The following CAST variants were observed in gnomAD, a reference collection of about 807,000 sequenced individuals.
The protein encoded by CAST is calpastatin.
A neutral mutation model predicts 119.6 loss-of-function variants in CAST; 76 were observed. The observed-to-expected ratio is 0.64, with a 90% CI of 0.53 to 0.77. The LOEUF (loss-of-function observed/expected upper bound fraction) is 0.77, where lower values mean the gene tolerates loss of function less well. CAST is among the 30% of genes least tolerant of loss of function. CAST has a pLI of 0.00. For synonymous variants in CAST, 319 were observed against 331.6 expected, an observed-to-expected ratio of 0.96 and a Z score of 0.41; for missense variants, 953 against 946.5, an observed-to-expected ratio of 1.01 and a Z score of -0.09.
At chr5:95,965,915 T>A in the CAST span, among the ~76,000 whole-genome samples, 1 of 152,218 alleles carries the variant, frequency 6.6e-6, no homozygotes, top group Admixed American at 6.5e-5. Context: ...GTACAAGAAA[T>A]GTTACATTGC....
At chr5:95,981,800 G>C in the CAST span, among the ~76,000 whole-genome samples, 1 of 152,268 alleles carries the variant, frequency 6.6e-6, no homozygotes, top group East Asian at 1.9e-4. Flanking sequence ...ACTTGAACCC[G>C]GGAGGTGGAG....
chr5:96,000,355 A>G, the CAST span, among the ~76,000 whole-genome samples: 3 of 152,156 alleles, frequency 2.0e-5, no homozygotes, highest in Non-Finnish European at 2.9e-5. Context: ...GTTATCTCCT[A>G]TGCTTTCTGT....
the CAST span, among the ~76,000 whole-genome samples, chr5:96,266,720 C>A: frequency 6.6e-6 from 1 of 152,156 alleles, no homozygotes; most frequent in Non-Finnish European, 1.5e-5. Flanking sequence ...ACAAGCCAGA[C>A]AGAAGACTGA....
chr5:96,172,767 A>G, the CAST span, among the ~76,000 whole-genome samples: 1 of 152,232 alleles, frequency 6.6e-6, no homozygotes, highest in Non-Finnish European at 1.5e-5. Flanking sequence ...TGTAGTTTAT[A>G]GATCCTCTAG....
At chr5:96,735,322 C>CCTGTGCTT (rs1761409786) in intron 9 of CAST, among the ~76,000 whole-genome samples, 1 of 152,098 alleles carries the variant, frequency 6.6e-6, no homozygotes, top group Non-Finnish European at 1.5e-5. Context: ...AGCCTGTGCT[C>CCTGTGCTT]TTCCTGTGCT....
chr5:96,514,788 C>T, the CAST span, among the ~76,000 whole-genome samples: 2 of 152,042 alleles, frequency 1.3e-5, no homozygotes, highest in Non-Finnish European at 1.5e-5. Flanking sequence ...CTCTATTGCC[C>T]AGGCCCAGGC....
the CAST span, among the ~76,000 whole-genome samples, chr5:95,967,659 G>A: frequency 6.6e-6 from 1 of 152,060 alleles, no homozygotes; most frequent in African/African-American, 2.4e-5. Flanking sequence ...GCTTGGCACT[G>A]CTCGTTGCTG....
chr5:96,440,814 G>A, the CAST span, among the ~76,000 whole-genome samples: 1 of 152,178 alleles, frequency 6.6e-6, no homozygotes, highest in African/African-American at 2.4e-5. Flanking sequence ...GCTGGAAAAG[G>A]CAGAGGCAAT....
chr5:96,430,505 T>C, the CAST span, among the ~76,000 whole-genome samples: 1 of 152,190 alleles, frequency 6.6e-6, no homozygotes, highest in African/African-American at 2.4e-5. Flanking sequence ...CAGAAAAAGA[T>C]CACCAGTGCT....
chr5:96,350,708 T>G, the CAST span, among the ~76,000 whole-genome samples: 1 of 152,162 alleles, frequency 6.6e-6, no homozygotes, highest in Admixed American at 6.6e-5. Context: ...CACACATTTT[T>G]CACTATTCCA....
chr5:96,737,766 A>G lies in CAST; in HGVS notation c.700-83A>G, dbSNP rs573730398. The G allele has an allele frequency of 1.8e-5, 13 of 732,998 alleles. No individual in the cohort carries two copies. The South Asian group carries it at 2.6e-4, about 15-fold the overall frequency. 45.4% of individuals were successfully genotyped at this position (732,998 alleles called of 1,614,324 possible). A position where few individuals can be genotyped will look rare whatever the true frequency, so the allele number is the denominator to read the frequency against. On this transcript the variant is annotated intron_variant, in intron 10 of 31. Transcript: ENST00000675179. ...TTTTGGTGTTTGGTGGTTTTTCTAC[A>G]CAGAATGGCTTTTTTTGTAGTTAAA...
At chr5:96,692,611 G>A (rs1334207972) in intron 2 of CAST, among the ~76,000 whole-genome samples, 2 of 152,108 alleles carry the variant, frequency 1.3e-5, no homozygotes, top group East Asian at 1.9e-4. Context: ...TACCTAGAAT[G>A]CCTCCTTTCC....
intron 1 of CAST, among the ~76,000 whole-genome samples, chr5:96,550,433 G>A (rs1343989021): frequency 1.3e-5 from 2 of 152,108 alleles, no homozygotes; most frequent in African/African-American, 4.8e-5. Context: ...AAGACCAAAG[G>A]TAGATAAAAC....
intron 3 of CAST, among the ~76,000 whole-genome samples, chr5:96,697,748 C>A (rs1753467090): frequency 6.6e-6 from 1 of 152,184 alleles, no homozygotes; most frequent in Non-Finnish European, 1.5e-5. Context: ...TTTGTCCAGT[C>A]CCACTGAGCT....
chr5:96,111,437 G>C, the CAST span, among the ~76,000 whole-genome samples: 1 of 152,190 alleles, frequency 6.6e-6, no homozygotes, highest in South Asian at 2.1e-4. Flanking sequence ...TTGGCCTTTG[G>C]TGATTAGCTC....
At chr5:96,259,159 T>C in the CAST span, among the ~76,000 whole-genome samples, 1 of 152,326 alleles carries the variant, frequency 6.6e-6, no homozygotes, top group East Asian at 1.9e-4. Flanking sequence ...AAAGTGGAAG[T>C]GTATTTTTAG....
the CAST span, chr5:96,215,533 A>T: frequency 6.6e-6 from 1 of 152,240 alleles, no homozygotes; most frequent in South Asian, 2.1e-4. Flanking sequence ...TTTAAAGTAC[A>T]GTTAACCCTT....
At chr5:96,113,747 G>A in the CAST span, among the ~76,000 whole-genome samples, 3 of 152,192 alleles carry the variant, frequency 2.0e-5, no homozygotes, top group Non-Finnish European at 4.4e-5. Context: ...GTCTGCACAG[G>A]AGACCAGAGA....
At chr5:96,327,115 G>A in the CAST span, among the ~76,000 whole-genome samples, 1 of 152,172 alleles carries the variant, frequency 6.6e-6, no homozygotes, top group African/African-American at 2.4e-5. Context: ...TTCCGTGTAT[G>A]ACTTTGGACA....
Sources: allele counts gnomAD v4.1 joint callset (sites outside exome capture counted in the v4.1 genomes callset), GRCh38; gene constraint gnomAD v4.1.1; transcripts MANE v1.5; gene names NCBI Gene and HGNC (gene_info 2026-07-23, HGNC 2026-07-21).